Variants in VPS13D observed in about 807,000 individuals in gnomAD.
VPS13D encodes the protein vacuolar protein sorting 13 homolog D, also known as intermembrane lipid transfer protein VPS13D.
A neutral mutation model predicts 461.9 loss-of-function variants in VPS13D; 187 were observed. The observed-to-expected ratio is 0.40, with a 90% CI of 0.36 to 0.46. The LOEUF (loss-of-function observed/expected upper bound fraction) is 0.46, where lower values mean the gene tolerates loss of function less well. Ranked by LOEUF, VPS13D falls within the 20% of genes least tolerant of loss-of-function variation. The pLI is 0.60. For missense variants in VPS13D, 4,711 were observed against 5,364.9 expected, an observed-to-expected ratio of 0.88 and a Z score of 3.81; for synonymous variants, 1,951 against 1,986.3, an observed-to-expected ratio of 0.98 and a Z score of 0.47.
chr1:12,316,300 T>C (rs547363620), intron 30 of VPS13D, among the ~76,000 whole-genome samples: 2 of 152,288 alleles, frequency 1.3e-5, no homozygotes, highest in East Asian at 3.9e-4. Context: ...GAAATACTAT[T>C]GTTAGCAAGA....
At position 12,323,203 on chromosome 1, in the gene VPS13D, G is replaced by T. The variant is rs184775218; in HGVS notation, c.7915+457G>T. Among the ~76,000 whole-genome samples the T allele has an allele frequency of 4.9e-3, 740 of 152,224 alleles. 2 individuals are homozygous for T. The highest frequency in any genetic ancestry group is 0.017 in the African/African-American group (713 of 41,552). ...TCACTCCTCAGCCTCCTGAGTAGCT[G>T]GGAGGGACTATAGGTGTGTGCCATC... On this transcript the variant is annotated intron_variant, in intron 34 of 69. Transcript: ENST00000620676.
rs1643660676 is a variant in VPS13D, at chr1:12,345,714, T to C, written c.9021+205T>C. On this transcript the variant is annotated intron_variant, in intron 43 of 69. Coordinates refer to ENST00000620676, the MANE Select transcript of VPS13D (RefSeq NM_015378.4). ...TTCAGTAGAAAAACAAGATTTAAAA[T>C]CAGCAGTAACACATTTCCTCACCTC... 2.0e-5 allele frequency among the ~76,000 whole-genome samples: 3 copies of C among 152,204 alleles called. No individual in the cohort carries two copies. In the South Asian group the frequency reaches 6.2e-4, roughly 32 times the overall value.
At position 12,352,965 on chromosome 1, in the gene VPS13D, C is replaced by CAAAAAAAAAAAAAAAAAAAAAAAAAAAAA. The variant is rs61588046; in HGVS notation, c.9432-1006_9432-978dup. The stretch of plus-strand genomic sequence containing the variant: ...GGGCAATAAGAGTGAAACTCAGTCT[C>CAAAAAAAAAAAAAAAAAAAAAAAAAAAAA]AAAAAAAAAAAAAAAAAAAAAAAAA... On this transcript the variant is annotated intron_variant, in intron 46 of 69. Coordinates refer to ENST00000620676, the MANE Select transcript of VPS13D (RefSeq NM_015378.4). Among the ~76,000 whole-genome samples the CAAAAAAAAAAAAAAAAAAAAAAAAAAAAA allele has an allele frequency of 1.1e-4, 2 of 17,586 alleles. 1 individual carries two copies. The highest frequency in any genetic ancestry group is 3.9e-4 in the African/African-American group (2 of 5,106). 11.5% of individuals were successfully genotyped at this position (17,586 alleles called of 152,430 possible).
intron 16 of VPS13D, among the ~76,000 whole-genome samples, chr1:12,270,156 A>C (rs1641394803): frequency 6.6e-6 from 1 of 151,972 alleles, no homozygotes; most frequent in African/African-American, 2.4e-5. Flanking sequence ...CCCTGTCTTA[A>C]AAAGAAAGAA....
intron 7 of VPS13D, among the ~76,000 whole-genome samples, chr1:12,255,888 C>CAA (rs35699803): frequency 3.5e-5 from 2 of 56,372 alleles, no homozygotes; most frequent in African/African-American, 6.8e-5. Flanking sequence ...AGACTCGTCT[C>CAA]AAAAAAAAAA....
intron 30 of VPS13D, 99 bp downstream of exon 30, chr1:12,314,426 C>A: frequency 8.6e-7 from 1 of 1,160,094 alleles, no homozygotes; most frequent in Non-Finnish European, 1.2e-6. Context: ...CAAGGAATCA[C>A]TAGACAGATA....
At chr1:12,362,431 G>A (rs764276778) in intron 50 of VPS13D, among the ~76,000 whole-genome samples, 3 of 152,202 alleles carry the variant, frequency 2.0e-5, no homozygotes, top group Non-Finnish European at 4.4e-5. Flanking sequence ...CTGGACACCT[G>A]TGTATTTTAG....
chr1:12,249,218 TGCAG>T lies in VPS13D; in HGVS notation c.448-4_448-1del. 1 of 1,606,430 alleles carries T rather than the reference TGCAG, an allele frequency of 6.2e-7. No individual in the cohort carries two copies. Reference sequence around the variant, plus strand: ...TCAGCTGCTTTTTCTTTTTTCTCTTTGCAGTTAAAAATTCAAGATGTCCATTTAC... The same window carrying T: ...TCAGCTGCTTTTTCTTTTTTCTCTTTTTAAAAATTCAAGATGTCCATTTAC... On this transcript the variant is annotated splice_acceptor_variant and splice_polypyrimidine_tract_variant and intron_variant, in intron 5 of 69. Coordinates refer to ENST00000620676, the MANE Select transcript of VPS13D (RefSeq NM_015378.4). LOFTEE classifies it high-confidence loss of function.
chr1:12,292,114 C>A (rs570040663), intron 23 of VPS13D, among the ~76,000 whole-genome samples: 2 of 151,684 alleles, frequency 1.3e-5, no homozygotes, highest in Non-Finnish European at 2.9e-5. Flanking sequence ...TAAAAATTAG[C>A]GGGGTGTGGT....
rs1051795199 is a variant in VPS13D at position 12,505,814 on chromosome 1, G to T, written c.12795-1039G>T. 6.6e-6 allele frequency among the ~76,000 whole-genome samples: 1 copy of T among 152,216 alleles called. No homozygotes were observed. The highest frequency in any genetic ancestry group is 2.4e-5 in the African/African-American group (1 of 41,454). ...GGGATCTAGAGAAGTTGGGAGAGCA[G>T]GTGTGCGTCCTGCACGGACCCCAAG... On this transcript the variant is annotated intron_variant, in intron 68 of 69. Coordinates refer to ENST00000620676, the MANE Select transcript of VPS13D (RefSeq NM_015378.4). This position sits in a 1 kb window ranked among gnomAD's most constrained non-coding sequence, Gnocchi z 4.2.
chr1:12,400,962 G>GCGCGCGCACACACACA (rs1253464149), intron 61 of VPS13D, among the ~76,000 whole-genome samples: 2 of 106,218 alleles, frequency 1.9e-5, no homozygotes, highest in Non-Finnish European at 4.1e-5. Context: ...CTGCGCGCGC[G>GCGCGCGCACACACACA]CACACACACA....
intron 63 of VPS13D, among the ~76,000 whole-genome samples, chr1:12,411,567 A>G (rs1338028641): frequency 1.3e-5 from 2 of 151,904 alleles, no homozygotes; most frequent in African/African-American, 2.4e-5. Context: ...GAGGGAGAGA[A>G]AGAAAACATT....
chr1:12,459,548 G>A (rs962722248), intron 66 of VPS13D, among the ~76,000 whole-genome samples: 2 of 148,222 alleles, frequency 1.3e-5, no homozygotes, highest in African/African-American at 2.5e-5. Flanking sequence ...CTGCGATCTC[G>A]GCTCACTGCA....
chr1:12,456,170 C>T (rs759278344), intron 66 of VPS13D, 40 bp downstream of exon 66: 15 of 1,573,612 alleles, frequency 9.5e-6, no homozygotes, highest in African/African-American at 2.7e-5. Context: ...GCTGCTGGTC[C>T]TCAGAGGCGC....
At chr1:12,404,269 T>G (rs1422332380) in intron 63 of VPS13D, among the ~76,000 whole-genome samples, 1 of 152,190 alleles carries the variant, frequency 6.6e-6, no homozygotes, top group Non-Finnish European at 1.5e-5. Flanking sequence ...GCTCTCTGTT[T>G]AGCTCCTGGC....
chr1:12,387,249 A>T (rs1644361808), intron 60 of VPS13D, among the ~76,000 whole-genome samples: 1 of 152,248 alleles, frequency 6.6e-6, no homozygotes. Flanking sequence ...ACTGCTATAG[A>T]CTGCCTAAGA....
intron 65 of VPS13D, among the ~76,000 whole-genome samples, chr1:12,417,658 AAG>A (rs1446175389): frequency 6.6e-6 from 1 of 152,230 alleles, no homozygotes; most frequent in Non-Finnish European, 1.5e-5. Flanking sequence ...AGCTTTACCA[AAG>A]AGATCTTTGT....
Position 12,299,373 on chromosome 1 carries a change from C to T in VPS13D, c.6205C>T (p.Leu2069=), listed in dbSNP as rs780209689. The T allele has an allele frequency of 1.2e-5, 19 of 1,611,038 alleles. No homozygotes were observed. In the South Asian group the frequency reaches 1.5e-4, roughly 13 times the overall value. ...TGCTGGTTTTCCTGGCACCTTTTCC[C>T]TACAAGATAAGGTGAGCAATCAGTA... ...LFAGFPGTFS[L]QDKESVPSAS... Residue 2069 remains leucine, a synonymous_variant, in exon 25 of 70, where the codon CTA becomes TTA. Coordinates refer to ENST00000620676, the MANE Select transcript of VPS13D (RefSeq NM_015378.4). This position sits in a 1 kb window ranked among gnomAD's most constrained non-coding sequence, Gnocchi z 4.2.
Position 12,308,651 on chromosome 1 carries a change from T to G in VPS13D, c.6650+10T>G, listed in dbSNP as rs752416763. 29 of 1,554,178 alleles carry G rather than the reference T, an allele frequency of 1.9e-5. No homozygotes were observed. In the African/African-American group the frequency reaches 2.5e-4, roughly 13 times the overall value. On this transcript the variant is annotated intron_variant, in intron 27 of 69. Transcript: ENST00000620676. ...AAAGGAATTTGGACAAGTGAGTGTTTTTTTTTTTTTTTGAGATGGAGTCTC... is the reference window on the plus strand; with the variant it reads ...AAAGGAATTTGGACAAGTGAGTGTTGTTTTTTTTTTTTGAGATGGAGTCTC...
Sources: gnomAD v4.1 joint callset for allele counts (sites outside exome capture counted in the v4.1 genomes callset) on GRCh38, gnomAD v4.1.1 for gene constraint, Gnocchi (gnomAD v3.1) non-coding constraint, MANE v1.5 for transcripts, NCBI Gene and HGNC (gene_info 2026-07-23, HGNC 2026-07-21) for gene names.